The following SERINC5 variants were observed in gnomAD, a reference collection of about 807,000 sequenced individuals.
The protein encoded by SERINC5 is serine incorporator 5.
In SERINC5, 41 loss-of-function variants were observed where a neutral mutation model predicts 63.1. The ratio of observed to expected loss-of-function variants is 0.65; its 90% CI spans 0.51 to 0.84. The LOEUF is 0.84. Among genes scored for constraint, SERINC5 ranks in the 40% least tolerant of loss-of-function variants. The pLI is 0.00. For synonymous variants in SERINC5, 222 were observed against 215.2 expected (o/e 1.03, Z -0.28); for missense variants, 523 against 573.0 (o/e 0.91, Z 0.89).
In SERINC5 at chr5:80,207,531, A is replaced by G. The variant is rs563518884; in HGVS notation, c.28-4478T>C. On this transcript the variant is annotated intron_variant, in intron 1 of 11. Coordinates refer to ENST00000507668, the MANE Select transcript of SERINC5 (RefSeq NM_001174072.3). ...GCAGACAAATAGCAACAGAAGGGAC[A>G]TGATTGTGGAAAATGTAAAAAGAAA... Among the ~76,000 whole-genome samples the G allele has an allele frequency of 5.3e-5, 8 of 152,338 alleles. No individual in the cohort carries two copies. In the South Asian group the frequency reaches 1.7e-3, roughly 32 times the overall value.
intron 1 of SERINC5, among the ~76,000 whole-genome samples, chr5:80,228,945 C>G (rs949922712): frequency 2.0e-5 from 3 of 149,258 alleles, no homozygotes; most frequent in African/African-American, 7.4e-5. Flanking sequence ...AAAAACTATA[C>G]TTAGGCTTAC....
intron 6 of SERINC5, among the ~76,000 whole-genome samples, chr5:80,167,734 A>AT (rs1179998341): frequency 6.6e-6 from 1 of 152,148 alleles, no homozygotes; most frequent in Non-Finnish European, 1.5e-5. Context: ...GCCATCTGTT[A>AT]TTTTTTGAAA....
At position 80,243,015 on chromosome 5, in the gene SERINC5, C is replaced by A. The variant is rs77792541; in HGVS notation, c.27+12881G>T. 8.1e-3 allele frequency among the ~76,000 whole-genome samples: 1,232 copies of A among 152,304 alleles called. 17 individuals carry two copies. Among genetic ancestry groups the A allele is most frequent in the African/African-American group, 0.028 (1,180 of 41,570 alleles). Reference sequence around the variant, plus strand: ...CAGATTTGACACTGAGCTCCTATCTCCCTGGCTGCAGCACCCGATTAAAGC... The same window carrying A: ...CAGATTTGACACTGAGCTCCTATCTACCTGGCTGCAGCACCCGATTAAAGC... On this transcript the variant is annotated intron_variant, in intron 1 of 11. Coordinates refer to ENST00000507668, the MANE Select transcript of SERINC5 (RefSeq NM_001174072.3).
chr5:80,246,867 A>G (rs1752192711), intron 1 of SERINC5, among the ~76,000 whole-genome samples: 1 of 152,232 alleles, frequency 6.6e-6, no homozygotes, highest in African/African-American at 2.4e-5. Context: ...GCAGGGCAGC[A>G]AAGGTTTACT....
chr5:80,222,489 C>A (rs1036219395), intron 1 of SERINC5, among the ~76,000 whole-genome samples: 2 of 151,938 alleles, frequency 1.3e-5, no homozygotes, highest in African/African-American at 2.4e-5. Flanking sequence ...CACGTGGGAA[C>A]CAAATCCAAA....
intron 1 of SERINC5, among the ~76,000 whole-genome samples, chr5:80,229,182 C>A (rs1040417957): frequency 1.3e-5 from 2 of 151,566 alleles, no homozygotes; most frequent in Non-Finnish European, 2.9e-5. Context: ...TGCCACCACG[C>A]CCGGCTAATT....
intron 1 of SERINC5, 85 bp from the exon 2 acceptor site, chr5:80,203,138 G>T: frequency 7.5e-7 from 1 of 1,341,932 alleles, no homozygotes; most frequent in Non-Finnish European, 1.0e-6. Context: ...GTACACATCT[G>T]GAGTCCCTGC....
intron 2 of SERINC5, among the ~76,000 whole-genome samples, chr5:80,197,400 T>G (rs1339169122): frequency 7.3e-6 from 1 of 137,466 alleles, no homozygotes; most frequent in Non-Finnish European, 1.6e-5. Context: ...ATTGTATGAT[T>G]CCATTTATAC....
At chr5:80,137,775 G>A (rs1233484875), downstream of SERINC5, among the ~76,000 whole-genome samples, 2 of 150,024 alleles carry the variant, frequency 1.3e-5, no homozygotes, top group Non-Finnish European at 3.0e-5. Context: ...GACCCTATCT[G>A]TATAAAAAAT....
intron 1 of SERINC5, among the ~76,000 whole-genome samples, chr5:80,205,975 C>CAAAAAA (rs368524252): frequency 1.3e-5 from 1 of 74,322 alleles, no homozygotes; most frequent in East Asian, 4.0e-4. Flanking sequence ...TGGTGGTGCA[C>CAAAAAA]AAAAAAAAAA....
At chr5:80,233,405 C>A (rs988816306) in intron 1 of SERINC5, among the ~76,000 whole-genome samples, 3 of 151,980 alleles carry the variant, frequency 2.0e-5, no homozygotes, top group Non-Finnish European at 4.4e-5. Context: ...CCAGCCTGGG[C>A]AACAAGAGCA....
At chr5:80,151,012 G>C in intron 8 of SERINC5, 64 bp from the exon 9 acceptor site, 2 of 1,251,106 alleles carry the variant, frequency 1.6e-6, no homozygotes, top group South Asian at 2.4e-5. Context: ...GAATGAAGGG[G>C]AAAGCCGGCT....
chr5:80,196,247 CA>C (rs1749490066), intron 2 of SERINC5, among the ~76,000 whole-genome samples: 1 of 151,970 alleles, frequency 6.6e-6, no homozygotes, highest in Non-Finnish European at 1.5e-5. Flanking sequence ...CAAGCTGCCC[CA>C]GGGGAAAGCA....
intron 1 of SERINC5, among the ~76,000 whole-genome samples, chr5:80,250,296 T>A (rs370323785): frequency 6.6e-6 from 1 of 152,096 alleles, no homozygotes; most frequent in East Asian, 1.9e-4. Flanking sequence ...AAGTAGAGAT[T>A]TGGGTTTTAC....
intron 1 of SERINC5, among the ~76,000 whole-genome samples, chr5:80,229,835 C>G (rs1048371711): frequency 3.3e-5 from 5 of 152,150 alleles, no homozygotes; most frequent in Non-Finnish European, 5.9e-5. Context: ...CTGCCTCATA[C>G]AAAACAGAGA....
At chr5:80,251,513 T>C (rs1213266763) in intron 1 of SERINC5, among the ~76,000 whole-genome samples, 1 of 151,946 alleles carries the variant, frequency 6.6e-6, no homozygotes, top group Non-Finnish European at 1.5e-5. Flanking sequence ...GCGGGTCACC[T>C]GAGGTCAGGA....
In SERINC5 at chr5:80,145,134, T is replaced by C. The variant is rs892480989; in HGVS notation, c.1238+956A>G. Among the ~76,000 whole-genome samples, 14 of 151,412 alleles carry C rather than the reference T, an allele frequency of 9.2e-5. No homozygotes were observed. The East Asian group carries it at 2.7e-3, about 29-fold the overall frequency. On this transcript the variant is annotated intron_variant, in intron 11 of 11. Transcript: ENST00000507668. The stretch of plus-strand genomic sequence containing the variant: ...GGCAGGTGGATCACAAGGTCAGGAG[T>C]TCGAGACCAGCCTAGCCAATATGGT...
chr5:80,182,867 GC>G (rs1748543098), intron 2 of SERINC5, among the ~76,000 whole-genome samples: 1 of 152,052 alleles, frequency 6.6e-6, no homozygotes, highest in African/African-American at 2.4e-5. Flanking sequence ...TTTTAAAATT[GC>G]TTTTTCTCCT....
intron 1 of SERINC5, among the ~76,000 whole-genome samples, chr5:80,204,704 G>A (rs937460062): frequency 1.2e-4 from 19 of 152,126 alleles, no homozygotes; most frequent in Non-Finnish European, 2.4e-4. Context: ...AAGAAGCCAA[G>A]AACTAGTAAA....
Sources: allele counts gnomAD v4.1 joint callset (sites outside exome capture counted in the v4.1 genomes callset), GRCh38; gene constraint gnomAD v4.1.1; transcripts MANE v1.5; gene names NCBI Gene and HGNC (gene_info 2026-07-23, HGNC 2026-07-21).